The following EPB41L4B variants were observed in gnomAD, a reference collection of about 807,000 sequenced individuals.
The protein encoded by EPB41L4B is band 4.1-like protein 4B.
A neutral mutation model predicts 112.5 loss-of-function variants in EPB41L4B; 30 were observed. The observed-to-expected ratio is 0.27, with a 90% CI of 0.20 to 0.36. The LOEUF is 0.36. Among genes scored for constraint, EPB41L4B ranks in the 10% least tolerant of loss-of-function variants. The pLI, the probability that EPB41L4B is intolerant of heterozygous loss-of-function variation, is 1.00. For synonymous variants in EPB41L4B, 408 were observed against 439.7 expected, an observed-to-expected ratio of 0.93 and a Z score of 0.90; for missense variants, 1,024 against 1,133.3, an observed-to-expected ratio of 0.90 and a Z score of 1.38.
At chr9:109,284,587 A>T (rs928806149) in intron 1 of EPB41L4B, among the ~76,000 whole-genome samples, 1 of 152,088 alleles carries the variant, frequency 6.6e-6, no homozygotes, top group Non-Finnish European at 1.5e-5. Flanking sequence ...TAATTTTAAA[A>T]TATTTTGTAG....
At chr9:109,250,138 G>C (rs116893680) in intron 13 of EPB41L4B, among the ~76,000 whole-genome samples, 3 of 152,298 alleles carry the variant, frequency 2.0e-5, no homozygotes, top group Non-Finnish European at 4.4e-5. Flanking sequence ...GTTTCTTCTA[G>C]AGGGTGAAAA....
At chr9:109,249,939 G>A (rs933286751) in intron 13 of EPB41L4B, among the ~76,000 whole-genome samples, 1 of 152,184 alleles carries the variant, frequency 6.6e-6, no homozygotes, top group Non-Finnish European at 1.5e-5. Flanking sequence ...GCGAGGTTGA[G>A]TTTCCAGCTG....
intron 22 of EPB41L4B, 62 bp from the exon 23 acceptor site, chr9:109,185,667 G>A: frequency 7.7e-7 from 1 of 1,293,610 alleles, no homozygotes; most frequent in Admixed American, 2.1e-5. Flanking sequence ...AGGAGGAAGA[G>A]GAGGTAGGGG....
intron 2 of EPB41L4B, among the ~76,000 whole-genome samples, chr9:109,269,546 G>A (rs944605708): frequency 6.6e-6 from 1 of 152,220 alleles, no homozygotes; most frequent in Admixed American, 6.5e-5. Context: ...AATTGTGACT[G>A]TTTCCTGTGC....
intron 1 of EPB41L4B, among the ~76,000 whole-genome samples, chr9:109,281,610 G>C (rs1447247884): frequency 1.3e-5 from 2 of 152,114 alleles, no homozygotes; most frequent in African/African-American, 4.8e-5. Context: ...GCTGAGGTCG[G>C]GGAGGTGGAA....
At chr9:109,303,080 C>CT (rs1554765092) in intron 1 of EPB41L4B, among the ~76,000 whole-genome samples, 1 of 128,284 alleles carries the variant, frequency 7.8e-6, no homozygotes, top group African/African-American at 3.0e-5. Context: ...GACCCCATCT[C>CT]TAAAAAAAAA....
intron 1 of EPB41L4B, among the ~76,000 whole-genome samples, chr9:109,305,701 T>A (rs541179855): frequency 6.6e-6 from 1 of 151,972 alleles, no homozygotes; most frequent in Admixed American, 6.6e-5. Context: ...GGTGGGCGGA[T>A]CACCTGAGGT....
chr9:109,250,372 T>A (rs1032976631), intron 13 of EPB41L4B, among the ~76,000 whole-genome samples: 2 of 152,132 alleles, frequency 1.3e-5, no homozygotes, highest in African/African-American at 4.8e-5. Context: ...CCAACTGTCC[T>A]GACTGATAGT....
rs1202794297 is a variant in EPB41L4B at position 109,256,020 on chromosome 9, G to A, written c.929+116C>T. The A allele has an allele frequency of 3.5e-5, 40 of 1,143,762 alleles. No individual in the cohort carries two copies. In the South Asian group the frequency reaches 4.6e-4, roughly 13 times the overall value. The allele number at this position is 1,143,762 out of a possible 1,614,324, so 70.9% of individuals were successfully genotyped here. A position where few individuals can be genotyped will look rare whatever the true frequency, so the allele number is the denominator to read the frequency against. On this transcript the variant is annotated intron_variant, in intron 9 of 25. Coordinates refer to ENST00000374566, the MANE Select transcript of EPB41L4B (RefSeq NM_019114.5). ...GCCACAGACCCACAACAGCAGCACC[G>A]TGTGCTCTGAGGATGAATCTGGGTG... is the stretch of plus-strand genomic sequence containing the variant.
At chr9:109,277,315 C>CAAAAAA (rs35489544) in intron 2 of EPB41L4B, among the ~76,000 whole-genome samples, 1 of 112,302 alleles carries the variant, frequency 8.9e-6, no homozygotes. Flanking sequence ...AGTAGACATG[C>CAAAAAA]AAAAAAAAAA....
intron 1 of EPB41L4B, among the ~76,000 whole-genome samples, chr9:109,281,265 A>G (rs529894543): frequency 6.6e-6 from 1 of 152,316 alleles, no homozygotes; most frequent in African/African-American, 2.4e-5. Flanking sequence ...CAATTTAAAA[A>G]TGGACAGAGG....
intron 1 of EPB41L4B, among the ~76,000 whole-genome samples, chr9:109,290,993 T>G (rs1261020182): frequency 1.3e-5 from 2 of 152,188 alleles, no homozygotes; most frequent in African/African-American, 4.8e-5. Flanking sequence ...GCAAAGACCA[T>G]GCAGAAGTGT....
chr9:109,240,217 T>C (rs1181247878), intron 15 of EPB41L4B: 9 of 985,276 alleles, frequency 9.1e-6, no homozygotes, highest in African/African-American at 7.0e-5. Context: ...ATCAATAAGA[T>C]GAAAAGATTC....
chr9:109,234,472 T>G (rs1472200082), intron 15 of EPB41L4B, among the ~76,000 whole-genome samples: 10 of 152,230 alleles, frequency 6.6e-5, no homozygotes, highest in Admixed American at 5.9e-4. Context: ...TAACAATGTT[T>G]GCTTCCAAGG....
intron 15 of EPB41L4B, among the ~76,000 whole-genome samples, chr9:109,232,246 C>T (rs950345844): frequency 6.6e-6 from 1 of 152,036 alleles, no homozygotes; most frequent in Non-Finnish European, 1.5e-5. Flanking sequence ...CCCACCTTGG[C>T]CTCCCAAAGT....
rs1837012269 is a variant in EPB41L4B at position 109,302,611 on chromosome 9, C to T, written c.306+17530G>A. ...GCCATGACTGACAGGGATGTCATCC[C>T]TGTCAGGATACTGAGGTATCCTGAC... On this transcript the variant is annotated intron_variant, in intron 1 of 25. Coordinates refer to ENST00000374566, the MANE Select transcript of EPB41L4B (RefSeq NM_019114.5). Among the ~76,000 whole-genome samples, 5 of 152,076 alleles carry T rather than the reference C, an allele frequency of 3.3e-5. No homozygotes were observed. The South Asian group carries it at 1.0e-3, about 32-fold the overall frequency.
chr9:109,302,274 C>T (rs1330988182), intron 1 of EPB41L4B, among the ~76,000 whole-genome samples: 1 of 152,186 alleles, frequency 6.6e-6, no homozygotes, highest in Admixed American at 6.5e-5. Flanking sequence ...CCTGTCTCTT[C>T]ATTGTTCTCG....
chr9:109,267,448 G>A (rs1360355859), intron 4 of EPB41L4B, 25 bp downstream of exon 4: 6 of 1,543,638 alleles, frequency 3.9e-6, no homozygotes, highest in Admixed American at 3.4e-5. Flanking sequence ...TGCTGGGCGG[G>A]AGCTTGTTCT....
intron 1 of EPB41L4B, among the ~76,000 whole-genome samples, chr9:109,298,153 G>A (rs1169370914): frequency 1.3e-5 from 2 of 152,102 alleles, no homozygotes; most frequent in African/African-American, 2.4e-5. Flanking sequence ...CCTCTCCTTA[G>A]GCTTGGATTT....
Sources: gnomAD v4.1 joint callset for allele counts (sites outside exome capture counted in the v4.1 genomes callset) on GRCh38, gnomAD v4.1.1 for gene constraint, MANE v1.5 for transcripts, NCBI Gene and HGNC (gene_info 2026-07-23, HGNC 2026-07-21) for gene names.